The following NR3C2 variants were observed in gnomAD, a reference collection of about 807,000 sequenced individuals.
The protein encoded by NR3C2 is nuclear receptor subfamily 3 group C member 2, also known as mineralocorticoid receptor.
NR3C2 carries 15 observed loss-of-function variants against 86.4 expected under a neutral mutation model. The ratio of observed to expected loss-of-function variants is 0.17; its 90% confidence interval spans 0.12 to 0.27. The LOEUF is 0.27. Among genes scored for constraint, NR3C2 ranks in the 10% least tolerant of loss-of-function variants. NR3C2 has a pLI of 1.00. For synonymous variants in NR3C2, 458 were observed against 450.5 expected, an observed-to-expected ratio of 1.02 and a Z score of -0.21; for missense variants, 960 against 1,195.6, an observed-to-expected ratio of 0.80 and a Z score of 2.91.
At chr4:148,311,199 C>T (rs142662003) in intron 2 of NR3C2, among the ~76,000 whole-genome samples, 1 of 152,274 alleles carries the variant, frequency 6.6e-6, no homozygotes, top group East Asian at 1.9e-4. Context: ...TCTCCATTCT[C>T]TGGGTAACCT....
At chr4:148,443,913 C>G, upstream of NR3C2, 1 of 845,150 alleles carries the variant, frequency 1.2e-6, no homozygotes, top group South Asian at 5.4e-5. Flanking sequence ...CAGGAACTCC[C>G]TGGAGATAGG....
rs1750025453 is a variant in NR3C2, at chr4:148,435,766, C to A, written c.1095G>T (p.Gln365His). Residue 365 changes from glutamine (Q) to histidine (H), a missense_variant, in exon 2 of 9, where the codon CAG becomes CAT. Gln to His is a conservative substitution (Grantham distance 24). Coordinates refer to ENST00000358102, the MANE Select transcript of NR3C2 (RefSeq NM_000901.5). ...AAGGGACCTCTTGAGCACCTTTCTCCTGCGTGTCTGGACTGGGAACCACAT... is the reference window on the plus strand; with the variant it reads ...AAGGGACCTCTTGAGCACCTTTCTCATGCGTGTCTGGACTGGGAACCACAT... ...LRDVVPSPDT[Q>H]EKGAQEVPFP... The A allele has an allele frequency of 1.2e-6, 2 of 1,614,040 alleles. No homozygotes were observed. Among genetic ancestry groups the A allele is most frequent in the African/African-American group, 1.3e-5 (1 of 74,908 alleles).
intron 2 of NR3C2, among the ~76,000 whole-genome samples, chr4:148,305,568 T>C (rs1174211552): frequency 6.6e-6 from 1 of 151,340 alleles, no homozygotes; most frequent in Non-Finnish European, 1.5e-5. Flanking sequence ...AATCACGACT[T>C]GTGAAACTCC....
chr4:148,335,193 C>T (rs2149973805), intron 2 of NR3C2, among the ~76,000 whole-genome samples: 1 of 152,244 alleles, frequency 6.6e-6, no homozygotes, highest in East Asian at 1.9e-4. Flanking sequence ...CAGCCCATAA[C>T]AACTGGTAAC....
At chr4:148,261,106 C>T (rs1740075195) in intron 2 of NR3C2, among the ~76,000 whole-genome samples, 1 of 152,160 alleles carries the variant, frequency 6.6e-6, no homozygotes, top group South Asian at 2.1e-4. Flanking sequence ...TTGGTGGGGG[C>T]ATAAACTATT....
At chr4:148,261,123 A>C (rs767469937) in intron 2 of NR3C2, among the ~76,000 whole-genome samples, 4 of 152,230 alleles carry the variant, frequency 2.6e-5, no homozygotes, top group Non-Finnish European at 5.9e-5. Context: ...TATTATGAAG[A>C]TCTAGTAGCA....
intron 3 of NR3C2, among the ~76,000 whole-genome samples, chr4:148,221,737 A>G (rs949573601): frequency 5.9e-5 from 9 of 151,962 alleles, no homozygotes; most frequent in Non-Finnish European, 1.3e-4. Flanking sequence ...TACTAGAAAT[A>G]CAAAAAATTA....
chr4:148,134,635 C>CTTT (rs1449918599), intron 6 of NR3C2, among the ~76,000 whole-genome samples: 11 of 67,642 alleles, frequency 1.6e-4, no homozygotes, highest in African/African-American at 4.3e-4. Context: ...TTCTCTCTCT[C>CTTT]TCTCTCTCTT....
chr4:148,157,722 A>C (rs1196469123), intron 4 of NR3C2, among the ~76,000 whole-genome samples: 1 of 152,228 alleles, frequency 6.6e-6, no homozygotes, highest in Non-Finnish European at 1.5e-5. Flanking sequence ...AAATTCTTGA[A>C]GCAAACAGAC....
chr4:148,170,768 G>A (rs747718965), intron 4 of NR3C2, among the ~76,000 whole-genome samples: 4 of 152,098 alleles, frequency 2.6e-5, no homozygotes, highest in Non-Finnish European at 4.4e-5. Flanking sequence ...TTTCCTAGAC[G>A]CCAAAGTCTT....
At chr4:148,400,350 T>C (rs1365633545) in intron 2 of NR3C2, among the ~76,000 whole-genome samples, 1 of 152,228 alleles carries the variant, frequency 6.6e-6, no homozygotes, top group Non-Finnish European at 1.5e-5. Flanking sequence ...AAGTAGACAT[T>C]AGCTCTGTTT....
chr4:148,154,116 C>T (rs1266797655), intron 5 of NR3C2, among the ~76,000 whole-genome samples: 1 of 151,678 alleles, frequency 6.6e-6, no homozygotes, highest in Non-Finnish European at 1.5e-5. Context: ...TCAAGCGATT[C>T]TCCTGCCTCA....
At chr4:148,258,223 T>A (rs527826689) in intron 3 of NR3C2, among the ~76,000 whole-genome samples, 1 of 152,366 alleles carries the variant, frequency 6.6e-6, no homozygotes, top group South Asian at 2.1e-4. Context: ...CTTTGTTTAC[T>A]AATTAAGTGA....
chr4:148,299,241 G>A (rs531425399), intron 2 of NR3C2, among the ~76,000 whole-genome samples: 5 of 152,226 alleles, frequency 3.3e-5, no homozygotes, highest in Admixed American at 1.3e-4. Context: ...CATCGTTTTC[G>A]TGGCCTGTAC....
intron 2 of NR3C2, among the ~76,000 whole-genome samples, chr4:148,338,526 T>C (rs753824687): frequency 5.3e-5 from 8 of 152,174 alleles, no homozygotes; most frequent in Admixed American, 2.0e-4. Flanking sequence ...TTTATTCATG[T>C]AAAAATCAGG....
intron 2 of NR3C2, among the ~76,000 whole-genome samples, chr4:148,401,371 T>C (rs1336695331): frequency 2.0e-5 from 3 of 152,040 alleles, no homozygotes; most frequent in African/African-American, 7.2e-5. Context: ...ATTTCCCAGC[T>C]TCCCTCAGTG....
chr4:148,355,259 C>T (rs993578490), intron 2 of NR3C2, among the ~76,000 whole-genome samples: 1 of 152,038 alleles, frequency 6.6e-6, no homozygotes, highest in Non-Finnish European at 1.5e-5. Context: ...AGATTAGAGG[C>T]CCCAAGGAAA....
At chr4:148,371,026 CTGGCTCCCTGTATTTAATTTTTAATTTT>C (rs1315366285) in intron 2 of NR3C2, among the ~76,000 whole-genome samples, 1 of 152,174 alleles carries the variant, frequency 6.6e-6, no homozygotes, top group African/African-American at 2.4e-5. Context: ...GCCACCATGT[CTGGCTCCCTGTATTTAATTTTTAATTTT>C]TGTAGGTATT....
In NR3C2 at chr4:148,224,356, G is replaced by A. The variant is rs147265813; in HGVS notation, c.1898-29494C>T. On this transcript the variant is annotated intron_variant, in intron 3 of 8. Coordinates refer to ENST00000358102, the MANE Select transcript of NR3C2 (RefSeq NM_000901.5). The stretch of plus-strand genomic sequence containing the variant: ...AATGTGTTACACTATTTCATGATAT[G>A]ACATTCAAAGCACAATGATTTTGTC... 4.8e-3 allele frequency among the ~76,000 whole-genome samples: 729 copies of A among 152,270 alleles called. 13 individuals carry two copies. The highest frequency in any genetic ancestry group is 0.017 in the African/African-American group (689 of 41,554).
Sources: allele counts gnomAD v4.1 joint callset (sites outside exome capture counted in the v4.1 genomes callset), GRCh38; gene constraint gnomAD v4.1.1; transcripts MANE v1.5; gene names NCBI Gene and HGNC (gene_info 2026-07-23, HGNC 2026-07-21).